NPAS3: variants seen among roughly 807,000 people sequenced by gnomAD.
The protein encoded by NPAS3 is neuronal PAS domain-containing protein 3.
In NPAS3, 14 loss-of-function variants were observed where a neutral mutation model predicts 73.1. The ratio of observed to expected loss-of-function variants is 0.19; its 90% CI spans 0.13 to 0.30. The LOEUF (loss-of-function observed/expected upper bound fraction) is 0.30, where lower values mean the gene tolerates loss of function less well. Ranked by LOEUF, NPAS3 falls within the 10% of genes least tolerant of loss-of-function variation. The probability of loss-of-function intolerance (pLI) is 1.00; values close to 1 mark genes in which losing one functional copy is unlikely to be tolerated. For synonymous variants in NPAS3, 620 were observed against 541.5 expected (o/e 1.14, Z -2.01); for missense variants, 1,096 against 1,250.0 (o/e 0.88, Z 1.86).
chr14:33,751,324 A>T (rs907915290), intron 7 of NPAS3, among the ~76,000 whole-genome samples: 3 of 152,182 alleles, frequency 2.0e-5, no homozygotes, highest in African/African-American at 7.2e-5. Context: ...TTCCTTTTGG[A>T]ATTTTCTCCA....
At chr14:33,560,862 A>G (rs1461692223) in intron 5 of NPAS3, among the ~76,000 whole-genome samples, 3 of 152,214 alleles carry the variant, frequency 2.0e-5, no homozygotes, top group Non-Finnish European at 4.4e-5. Context: ...TTCCCCTGGA[A>G]CACAAAAATT....
intron 5 of NPAS3, among the ~76,000 whole-genome samples, chr14:33,630,870 T>C (rs1355869169): frequency 6.6e-6 from 1 of 152,212 alleles, no homozygotes; most frequent in East Asian, 1.9e-4. Flanking sequence ...ACTGAGAAAA[T>C]TGATTTTATT....
chr14:33,294,293 C>G (rs2042211270), intron 3 of NPAS3, among the ~76,000 whole-genome samples: 1 of 152,174 alleles, frequency 6.6e-6, no homozygotes, highest in Admixed American at 6.5e-5. Flanking sequence ...TTCTTTTTCT[C>G]CACTGCCTAC....
intron 1 of NPAS3, among the ~76,000 whole-genome samples, chr14:33,022,664 CAAA>C (rs34475386): frequency 0.27 from 26,179 of 98,624 alleles, 2,432 homozygotes; most frequent in African/African-American, 0.35. Flanking sequence ...GACTCCGTCC[CAAA>C]AAAAAAAAAA....
intron 6 of NPAS3, among the ~76,000 whole-genome samples, chr14:33,715,421 A>C (rs563235296): frequency 6.6e-6 from 1 of 152,262 alleles, no homozygotes; most frequent in South Asian, 2.1e-4. Context: ...TTTTAAATCT[A>C]TATTAATTAA....
At chr14:33,314,524 G>A (rs1410214963) in intron 3 of NPAS3, among the ~76,000 whole-genome samples, 1 of 151,972 alleles carries the variant, frequency 6.6e-6, no homozygotes, top group East Asian at 1.9e-4. Flanking sequence ...ACACGGTGGT[G>A]GTGGTGGTGA....
chr14:32,935,742 C>A (rs1247131066), upstream of NPAS3, among the ~76,000 whole-genome samples: 1 of 152,072 alleles, frequency 6.6e-6, no homozygotes, highest in Non-Finnish European at 1.5e-5. Flanking sequence ...TAATTTGATT[C>A]AATAAGGAAA....
intron 2 of NPAS3, among the ~76,000 whole-genome samples, chr14:33,132,107 G>A (rs1445830378): frequency 2.0e-5 from 3 of 152,126 alleles, no homozygotes; most frequent in Non-Finnish European, 4.4e-5. Context: ...TTGGAAGCTG[G>A]TGGGAAAGGG....
At chr14:33,178,609 CTT>C (rs1420326967) in intron 2 of NPAS3, among the ~76,000 whole-genome samples, 2 of 151,856 alleles carry the variant, frequency 1.3e-5, no homozygotes, top group African/African-American at 4.8e-5. Flanking sequence ...CTTTATTTTC[CTT>C]TTTTGCAGTG....
At chr14:32,989,549 C>T (rs562723679) in intron 1 of NPAS3, among the ~76,000 whole-genome samples, 1 of 151,920 alleles carries the variant, frequency 6.6e-6, no homozygotes, top group Non-Finnish European at 1.5e-5. Flanking sequence ...CAGGCTGAGG[C>T]AGGAGAATGG....
chr14:33,708,910 C>T (rs2140484648), intron 6 of NPAS3, among the ~76,000 whole-genome samples: 1 of 152,250 alleles, frequency 6.6e-6, no homozygotes, highest in East Asian at 1.9e-4. Context: ...CAGAGGCTAG[C>T]TTTTCTGCCT....
intron 6 of NPAS3, among the ~76,000 whole-genome samples, chr14:33,679,652 T>A (rs886363247): frequency 1.3e-5 from 2 of 152,214 alleles, no homozygotes; most frequent in Non-Finnish European, 2.9e-5. Flanking sequence ...TCAGAAGCCC[T>A]GATGTGTTCA....
chr14:33,144,605 G>T (rs1003449161), intron 2 of NPAS3, among the ~76,000 whole-genome samples: 10 of 152,112 alleles, frequency 6.6e-5, no homozygotes, highest in Non-Finnish European at 1.3e-4. Flanking sequence ...GCAGTGGCAT[G>T]CTCATGGCTC....
chr14:33,665,246 G>A (rs961362413), intron 5 of NPAS3, among the ~76,000 whole-genome samples: 1 of 152,174 alleles, frequency 6.6e-6, no homozygotes, highest in African/African-American at 2.4e-5. Flanking sequence ...ATTGAACAAT[G>A]AGAACACATG....
chr14:33,529,397 T>C (rs2140162941), intron 4 of NPAS3, among the ~76,000 whole-genome samples: 1 of 152,198 alleles, frequency 6.6e-6, no homozygotes, highest in South Asian at 2.1e-4. Context: ...AGTGGATTTT[T>C]CCTGAGCAGA....
At chr14:33,039,365 C>T (rs2040274919) in intron 1 of NPAS3, among the ~76,000 whole-genome samples, 1 of 152,110 alleles carries the variant, frequency 6.6e-6, no homozygotes. Context: ...ATACTTAATG[C>T]CAGGAAAGGA....
intron 7 of NPAS3, among the ~76,000 whole-genome samples, chr14:33,739,534 G>C (rs1361383438): frequency 1.3e-5 from 2 of 152,110 alleles, no homozygotes; most frequent in Admixed American, 1.3e-4. Context: ...CCCAAACATA[G>C]GTGTCTCTTA....
At chr14:33,634,189 C>G (rs544926515) in intron 5 of NPAS3, among the ~76,000 whole-genome samples, 1 of 152,262 alleles carries the variant, frequency 6.6e-6, no homozygotes, top group African/African-American at 2.4e-5. Flanking sequence ...TGCACTTTGC[C>G]AGGCACTAGT....
chr14:33,083,364 G>C (rs1217088116), intron 2 of NPAS3, among the ~76,000 whole-genome samples: 1 of 152,052 alleles, frequency 6.6e-6, no homozygotes, highest in Non-Finnish European at 1.5e-5. Context: ...ATTATGAGTA[G>C]TAGCTATATT....
Sources: gnomAD v4.1 joint callset for allele counts (sites outside exome capture counted in the v4.1 genomes callset) on GRCh38, gnomAD v4.1.1 for gene constraint, MANE v1.5 for transcripts, NCBI Gene and HGNC (gene_info 2026-07-23, HGNC 2026-07-21) for gene names.